Variants in ZDHHC11B observed in about 807,000 individuals in gnomAD.
The protein encoded by ZDHHC11B is probable palmitoyltransferase ZDHHC11B.
A neutral mutation model predicts 42.3 loss-of-function variants in ZDHHC11B; 17 were observed. That is an observed-to-expected ratio of 0.40 (90% CI 0.27 to 0.60). The LOEUF is 0.60. Among genes scored for constraint, ZDHHC11B ranks in the 20% least tolerant of loss-of-function variants. The pLI, the probability that ZDHHC11B is intolerant of heterozygous loss-of-function variation, is 0.41. For missense variants in ZDHHC11B, 262 were observed against 463.2 expected (o/e 0.57, Z 3.99); for synonymous variants, 123 against 193.5 (o/e 0.64, Z 3.02).
intron 1 of ZDHHC11B, among the ~76,000 whole-genome samples, chr5:779,172 C>T (rs1376399250): frequency 1.2e-4 from 18 of 151,542 alleles, no homozygotes; most frequent in African/African-American, 3.4e-4. Flanking sequence ...TGCAGCCACA[C>T]GCCCAGGACA....
In ZDHHC11B at chr5:767,077, G is replaced by A. The variant is rs1186950468; in HGVS notation, c.1-158C>T. 20 of 994,408 alleles carry A rather than the reference G, an allele frequency of 2.0e-5. No homozygotes were observed. In the South Asian group the frequency reaches 2.4e-4, roughly 12 times the overall value. The allele number at this position is 994,408 out of a possible 1,614,324, so 61.6% of individuals were successfully genotyped here. Reference sequence around the variant, plus strand: ...GCCTGGGGCCACGTTCCCCGCAGAGGGAGCAGGGGTTGGGCTGGAGTCGGT... The same window carrying A: ...GCCTGGGGCCACGTTCCCCGCAGAGAGAGCAGGGGTTGGGCTGGAGTCGGT... On this transcript the variant is annotated intron_variant, in intron 3 of 13. Coordinates refer to ENST00000508859, the MANE Select transcript of ZDHHC11B (RefSeq NM_001351303.2).
At chr5:719,153 G>A (rs1741995547) in intron 12 of ZDHHC11B, among the ~76,000 whole-genome samples, 1 of 151,798 alleles carries the variant, frequency 6.6e-6, no homozygotes, top group South Asian at 2.1e-4. Context: ...CAAACTGATG[G>A]TTCCAGCCTT....
At chr5:727,402 A>G (rs1413856078) in intron 12 of ZDHHC11B, among the ~76,000 whole-genome samples, 2 of 148,276 alleles carry the variant, frequency 1.3e-5, no homozygotes, top group Non-Finnish European at 3.0e-5. Context: ...TATTTAATAT[A>G]ACTTTGCTCC....
chr5:714,815 T>C (rs1741626657), intron 13 of ZDHHC11B, among the ~76,000 whole-genome samples: 1 of 149,642 alleles, frequency 6.7e-6, no homozygotes, highest in African/African-American at 2.5e-5. Context: ...AGATGGGGCC[T>C]CATAGGACGT....
chr5:775,819 G>C (rs560670968), intron 1 of ZDHHC11B, among the ~76,000 whole-genome samples: 1 of 151,564 alleles, frequency 6.6e-6, no homozygotes, highest in African/African-American at 2.4e-5. Flanking sequence ...GGCATCCAGG[G>C]AGCTGTGAAG....
rs1744167757 is a variant in ZDHHC11B, at chr5:741,627, T to G, written c.902A>C (p.Gln301Pro). 1 of 1,458,142 alleles carries G rather than the reference T, an allele frequency of 6.9e-7. No homozygotes were observed. The highest frequency in any genetic ancestry group is 1.3e-5 in the South Asian group (1 of 77,116). 90.3% of individuals were successfully genotyped at this position (1,458,142 alleles called of 1,614,324 possible). A position where few individuals can be genotyped will look rare whatever the true frequency, so the allele number is the denominator to read the frequency against. The change falls in exon 10 of 14, where the codon CAA (glutamine) becomes CCA (proline). Residue 301 changes from glutamine to proline, a missense_variant and splice_region_variant. Around this residue, in one of 5 missense-constraint regions of ZDHHC11B, gnomAD observed 0 missense variants for 17.0 expected, o/e 0.00. Coordinates refer to ENST00000508859, the MANE Select transcript of ZDHHC11B (RefSeq NM_001351303.2). ...AGATGAGCCCAGGGCGCCAGCTCCT[T>G]GCTGTGGGGCAAAAGAAAATTCGTC... ...YVQMDKGFLQQGAGALGSSAQ... is the reference protein window; with the variant it reads ...YVQMDKGFLQPGAGALGSSAQ...
intron 6 of ZDHHC11B, among the ~76,000 whole-genome samples, chr5:751,983 G>A (rs1164976074): frequency 3.2e-4 from 39 of 121,462 alleles, no homozygotes; most frequent in African/African-American, 8.7e-4. Flanking sequence ...GTCACACGGC[G>A]TCTCCAGTGT....
rs1186898959 is a variant in ZDHHC11B, at chr5:727,742, G to A, written c.1058+2692C>T. On this transcript the variant is annotated intron_variant, in intron 12 of 13. Coordinates refer to ENST00000508859, the MANE Select transcript of ZDHHC11B (RefSeq NM_001351303.2). ...GGTGGTAACCATTACTTAAGTCTTCGAGATAAAGTAACCTTAGCTCTCTCC... is the reference window on the plus strand; with the variant it reads ...GGTGGTAACCATTACTTAAGTCTTCAAGATAAAGTAACCTTAGCTCTCTCC... Among the ~76,000 whole-genome samples the A allele has an allele frequency of 4.3e-5, 6 of 139,954 alleles. No homozygotes were observed. The East Asian group carries it at 6.1e-4, about 14-fold the overall frequency. The allele number at this position is 139,954 out of a possible 152,430, so 91.8% of individuals were successfully genotyped here. A position where few individuals can be genotyped will look rare whatever the true frequency, so the allele number is the denominator to read the frequency against.
intron 1 of ZDHHC11B, among the ~76,000 whole-genome samples, chr5:775,665 G>A (rs56162379): frequency 0.15 from 22,821 of 149,656 alleles, 2,210 homozygotes; most frequent in Non-Finnish European, 0.23. Flanking sequence ...TGGAGGCCTG[G>A]GGCCTGGGTG....
intron 4 of ZDHHC11B, among the ~76,000 whole-genome samples, chr5:757,308 C>A (rs1733998478): frequency 1.3e-5 from 2 of 151,906 alleles, no homozygotes; most frequent in Non-Finnish European, 2.9e-5. Context: ...CTCCTTGGCC[C>A]CAGGGGTGAG....
chr5:750,125 C>T (rs1324617218), intron 7 of ZDHHC11B, among the ~76,000 whole-genome samples: 2 of 112,962 alleles, frequency 1.8e-5, no homozygotes, highest in Non-Finnish European at 3.8e-5. Flanking sequence ...TGCAGCCATG[C>T]CTGGAGCTGA....
chr5:715,853 C>T (rs1445556712), intron 13 of ZDHHC11B, among the ~76,000 whole-genome samples: 1 of 151,554 alleles, frequency 6.6e-6, no homozygotes, highest in East Asian at 1.9e-4. Flanking sequence ...CCTCAGGGCT[C>T]TATGGCACCC....
At chr5:739,899 T>C (rs1325873416) in intron 10 of ZDHHC11B, among the ~76,000 whole-genome samples, 4 of 150,424 alleles carry the variant, frequency 2.7e-5, no homozygotes, top group Non-Finnish European at 4.5e-5. Flanking sequence ...AAATGTGATA[T>C]ATATTTGTGA....
chr5:721,373 T>A (rs1742172515), intron 12 of ZDHHC11B, among the ~76,000 whole-genome samples: 1 of 151,600 alleles, frequency 6.6e-6, no homozygotes. Flanking sequence ...AAACATTATA[T>A]ATATAGATAG....
In ZDHHC11B at chr5:743,722, T is replaced by C. The variant is rs1488982288; in HGVS notation, c.900+1461A>G. ...TTGCTGGTGGATCGAGATGTGCGAG[T>C]GTGTATTTTAATATGTGCCCCACAT... is the stretch of plus-strand genomic sequence containing the variant. On this transcript the variant is annotated intron_variant, in intron 9 of 13. Coordinates refer to ENST00000508859, the MANE Select transcript of ZDHHC11B (RefSeq NM_001351303.2). Among the ~76,000 whole-genome samples, 7 of 149,868 alleles carry C rather than the reference T, an allele frequency of 4.7e-5. 1 individual carries two copies. The highest frequency in any genetic ancestry group is 8.9e-5 in the Non-Finnish European group (6 of 67,658).
intron 7 of ZDHHC11B, among the ~76,000 whole-genome samples, chr5:750,840 G>A (rs1745519482): frequency 7.8e-6 from 1 of 128,712 alleles, no homozygotes; most frequent in Non-Finnish European, 1.7e-5. Context: ...AGGGCTGACT[G>A]CGGAGGGCAG....
intron 8 of ZDHHC11B, among the ~76,000 whole-genome samples, chr5:746,176 C>G (rs1744789225): frequency 6.8e-6 from 1 of 147,662 alleles, no homozygotes. Flanking sequence ...ACTCTCCATG[C>G]TTCTTTCCCT....
At chr5:759,361 C>G (rs191779338) in intron 4 of ZDHHC11B, among the ~76,000 whole-genome samples, 22 of 151,926 alleles carry the variant, frequency 1.4e-4, no homozygotes, top group African/African-American at 5.3e-4. Flanking sequence ...TCCTGGGGCC[C>G]GGTGCGGTCA....
chr5:751,728 T>C lies in ZDHHC11B; in HGVS notation c.504-471A>G, dbSNP rs1438066391. 2.3e-5 allele frequency among the ~76,000 whole-genome samples: 3 copies of C among 127,818 alleles called. 1 individual carries two copies. The highest frequency in any genetic ancestry group is 3.5e-5 in the Non-Finnish European group (2 of 57,310). The allele number at this position is 127,818 out of a possible 152,430, so 83.9% of individuals were successfully genotyped here. A position where few individuals can be genotyped will look rare whatever the true frequency, so the allele number is the denominator to read the frequency against. ...ATGCCTGGAAGCTCAGGCTCCTGTC[T>C]CTGTGCCATCCTGTGACGCCCCCCC... On this transcript the variant is annotated intron_variant, in intron 6 of 13. Coordinates refer to ENST00000508859, the MANE Select transcript of ZDHHC11B (RefSeq NM_001351303.2).
Sources: gnomAD v4.1 joint callset for allele counts (sites outside exome capture counted in the v4.1 genomes callset) on GRCh38, gnomAD v4.1.1 for gene constraint, gnomAD v4.1.1 regional missense constraint, MANE v1.5 for transcripts, NCBI Gene and HGNC (gene_info 2026-07-23, HGNC 2026-07-21) for gene names.